Variants in KDM4C observed in about 807,000 individuals in gnomAD.
KDM4C encodes lysine-specific demethylase 4C.
A neutral mutation model predicts 129.3 loss-of-function variants in KDM4C; 81 were observed. The observed-to-expected ratio is 0.63, with a 90% CI of 0.52 to 0.75. KDM4C has a LOEUF of 0.75. Ranked by LOEUF, KDM4C falls within the 30% of genes least tolerant of loss-of-function variation. The pLI, the probability that KDM4C is intolerant of heterozygous loss-of-function variation, is 0.00. For missense variants in KDM4C, 1,457 were observed against 1,304.0 expected (o/e 1.12, Z -1.81); for synonymous variants, 573 against 456.1 (o/e 1.26, Z -3.26).
At chr9:7,087,021 A>G (rs954901132) in intron 17 of KDM4C, among the ~76,000 whole-genome samples, 1 of 151,950 alleles carries the variant, frequency 6.6e-6, no homozygotes, top group African/African-American at 2.4e-5. Context: ...ACTGGCTCTC[A>G]TAAAGCTGGA....
In KDM4C at chr9:6,849,717, A is replaced by C. The variant is rs200895105; in HGVS notation, c.629+17A>C. ...CAAGTCTTGGCAAGTTACTTGTTTA[A>C]TATTCATTTACTTTGGAGTTTTGAA... On this transcript the variant is annotated intron_variant, in intron 5 of 21. Transcript: ENST00000381309. The C allele has an allele frequency of 2.7e-5, 42 of 1,535,976 alleles. No individual in the cohort carries two copies. The highest frequency in any genetic ancestry group is 3.5e-6 in the Non-Finnish European group (4 of 1,132,664).
chr9:6,871,683 A>C (rs529825889), intron 5 of KDM4C, among the ~76,000 whole-genome samples: 2 of 152,250 alleles, frequency 1.3e-5, no homozygotes, highest in African/African-American at 2.4e-5. Context: ...TGCAAAGTAC[A>C]TTCTTATCCT....
chr9:7,157,317 C>T (rs1843290793), intron 19 of KDM4C, among the ~76,000 whole-genome samples: 1 of 152,190 alleles, frequency 6.6e-6, no homozygotes, highest in Non-Finnish European at 1.5e-5. Flanking sequence ...AATTTGACTT[C>T]CTCTTTTCCT....
Position 7,042,108 on chromosome 9 carries a change from C to T in KDM4C, c.2260-4754C>T, listed in dbSNP as rs112160066. On this transcript the variant is annotated intron_variant, in intron 15 of 21. Transcript: ENST00000381309. ...GTGCATGTTTAACTACTGTACCTTT[C>T]GTATTTAGTATGTGCTTAGGGAATG... Among the ~76,000 whole-genome samples the T allele has an allele frequency of 3.6e-3, 544 of 152,072 alleles. 3 individuals are homozygous for T. Among genetic ancestry groups the T allele is most frequent in the Non-Finnish European group, 6.0e-3 (406 of 67,954 alleles).
chr9:6,848,255 G>T (rs1838206010), intron 4 of KDM4C, among the ~76,000 whole-genome samples: 2 of 152,172 alleles, frequency 1.3e-5, no homozygotes. Context: ...AGGCATTTCA[G>T]TTTCCCCATG....
chr9:7,006,934 T>C (rs1472102926), intron 12 of KDM4C, among the ~76,000 whole-genome samples: 2 of 152,248 alleles, frequency 1.3e-5, no homozygotes, highest in Non-Finnish European at 2.9e-5. Flanking sequence ...TGAAACAGTT[T>C]ATAAAATAAA....
At chr9:7,092,393 C>T (rs1212130630) in intron 17 of KDM4C, among the ~76,000 whole-genome samples, 2 of 152,266 alleles carry the variant, frequency 1.3e-5, no homozygotes, top group East Asian at 1.9e-4. Flanking sequence ...GTATCATGAA[C>T]CGCAAGTGTT....
At chr9:7,080,608 T>C (rs1430436841) in intron 17 of KDM4C, among the ~76,000 whole-genome samples, 3 of 152,226 alleles carry the variant, frequency 2.0e-5, no homozygotes, top group African/African-American at 7.2e-5. Flanking sequence ...GCTTTGATAA[T>C]GAGGACTGCC....
At chr9:6,931,782 TG>T (rs1293398787) in intron 8 of KDM4C, among the ~76,000 whole-genome samples, 2 of 152,250 alleles carry the variant, frequency 1.3e-5, no homozygotes, top group African/African-American at 4.8e-5. Context: ...ATTACAGGCA[TG>T]AGCCACCATC....
intron 9 of KDM4C, chr9:6,982,280 G>C (rs921692807): frequency 7.2e-5 from 11 of 151,846 alleles, no homozygotes; most frequent in African/African-American, 2.4e-4. Context: ...AAGAACCTTA[G>C]GAACATGGAG....
At chr9:6,775,999 T>A (rs1333156032) in intron 1 of KDM4C, among the ~76,000 whole-genome samples, 1 of 152,250 alleles carries the variant, frequency 6.6e-6, no homozygotes, top group African/African-American at 2.4e-5. Flanking sequence ...CACCCCTGGT[T>A]GAGAACCATT....
chr9:7,112,889 C>G (rs145567844), intron 18 of KDM4C, among the ~76,000 whole-genome samples: 1 of 152,036 alleles, frequency 6.6e-6, no homozygotes, highest in African/African-American at 2.4e-5. Flanking sequence ...TATGTTTTGC[C>G]GATGATAGAA....
intron 12 of KDM4C, 46 bp downstream of exon 12, chr9:6,990,570 T>A: frequency 7.9e-7 from 1 of 1,259,562 alleles, no homozygotes; most frequent in Non-Finnish European, 1.1e-6. Flanking sequence ...TTTTTTGGTG[T>A]GTAAAACAAA....
intron 5 of KDM4C, among the ~76,000 whole-genome samples, chr9:6,868,557 A>G (rs1352535901): frequency 3.9e-5 from 6 of 152,040 alleles, no homozygotes; most frequent in African/African-American, 1.4e-4. Flanking sequence ...CCTCCCCTAT[A>G]CTTTACATCA....
intron 5 of KDM4C, among the ~76,000 whole-genome samples, chr9:6,873,941 C>A (rs190375623): frequency 3.0e-4 from 40 of 132,072 alleles, no homozygotes; most frequent in East Asian, 6.6e-4. Context: ...TGAGAGAGAG[C>A]GAGAGAGAGA....
At chr9:7,035,150 C>G (rs927082671) in intron 15 of KDM4C, among the ~76,000 whole-genome samples, 1 of 150,114 alleles carries the variant, frequency 6.7e-6, no homozygotes, top group African/African-American at 2.4e-5. Flanking sequence ...GTAGCTGGGA[C>G]TACAGGCACA....
At chr9:7,020,713 G>T (rs1306756969) in intron 15 of KDM4C, among the ~76,000 whole-genome samples, 1 of 151,922 alleles carries the variant, frequency 6.6e-6, no homozygotes, top group Non-Finnish European at 1.5e-5. Flanking sequence ...ATATTTATGG[G>T]TTACATGAGA....
chr9:6,864,808 T>A (rs12339399), intron 5 of KDM4C, among the ~76,000 whole-genome samples: 3 of 145,564 alleles, frequency 2.1e-5, no homozygotes, highest in African/African-American at 7.4e-5. Context: ...TTGTTGGCAA[T>A]CTTTTTTTTT....
rs143609033 is a variant in KDM4C, at chr9:6,744,857, G to C, written c.49+23860G>C. On this transcript the variant is annotated intron_variant, in intron 1 of 17. Coordinates refer to the KDM4C transcript ENST00000536108. ...GCAGAAGGCACCAGGGCAAGGTGGG[G>C]GGTGGGGAGAGCAGGGGATACCTGG... Among the ~76,000 whole-genome samples the C allele has an allele frequency of 5.3e-5, 8 of 152,200 alleles. No homozygotes were observed. In the East Asian group the frequency reaches 1.5e-3, roughly 29 times the overall value.
Sources: allele counts gnomAD v4.1 joint callset (sites outside exome capture counted in the v4.1 genomes callset), GRCh38; gene constraint gnomAD v4.1.1; transcripts MANE v1.5; gene names NCBI Gene and HGNC (gene_info 2026-07-23, HGNC 2026-07-21).